The following WDFY4 variants were observed in gnomAD, a reference collection of about 807,000 sequenced individuals.
The protein encoded by WDFY4 is WDFY family member 4, also known as WD repeat- and FYVE domain-containing protein 4.
Under a neutral mutation model 351.9 loss-of-function variants are expected in WDFY4, and 169 were observed. The observed-to-expected ratio is 0.48, with a 90% CI of 0.42 to 0.55. The LOEUF is 0.55. WDFY4 is among the 20% of genes least tolerant of loss of function. The pLI is 0.00. For missense variants in WDFY4, 3,803 were observed against 3,935.6 expected, an observed-to-expected ratio of 0.97 and a Z score of 0.90; for synonymous variants, 1,622 against 1,574.6, an observed-to-expected ratio of 1.03 and a Z score of -0.71.
chr10:48,961,742 A>G (rs1841869873), intron 53 of WDFY4, among the ~76,000 whole-genome samples: 1 of 152,138 alleles, frequency 6.6e-6, no homozygotes, highest in Non-Finnish European at 1.5e-5. Context: ...GAATGAGGAG[A>G]ACAGAGAGAA....
intron 9 of WDFY4, among the ~76,000 whole-genome samples, chr10:48,733,424 G>A (rs943634517): frequency 6.6e-6 from 1 of 152,150 alleles, no homozygotes; most frequent in African/African-American, 2.4e-5. Flanking sequence ...TGGGTCTACT[G>A]GGATCACCTA....
intron 24 of WDFY4, chr10:48,802,746 CTG>C (rs1565215863): frequency 2.1e-6 from 1 of 471,410 alleles, no homozygotes; most frequent in Non-Finnish European, 4.4e-6. Context: ...TGAGATGACA[CTG>C]TGGTTTGGGC....
At chr10:48,824,167 A>G (rs2067918850) in intron 35 of WDFY4, 1 of 985,434 alleles carries the variant, frequency 1.0e-6, no homozygotes, top group South Asian at 4.7e-5. Flanking sequence ...CTCCGTCTCC[A>G]GTAGATGATA....
At position 48,959,197 on chromosome 10, in the gene WDFY4, G is replaced by A. The variant is rs1426341126; in HGVS notation, c.8132-525G>A. Among the ~76,000 whole-genome samples the A allele has an allele frequency of 2.6e-5, 4 of 152,188 alleles. No individual in the cohort carries two copies. The East Asian group carries it at 5.8e-4, about 22-fold the overall frequency. Reference sequence around the variant, plus strand: ...GTCCAGCCTCCTCATTCTACTGTCAGGGGAATCTCTGTCTAAAAACCTTGC... The same window carrying A: ...GTCCAGCCTCCTCATTCTACTGTCAAGGGAATCTCTGTCTAAAAACCTTGC... On this transcript the variant is annotated intron_variant, in intron 52 of 61. Transcript: ENST00000325239.
At chr10:48,904,425 A>G (rs1458373601) in intron 47 of WDFY4, among the ~76,000 whole-genome samples, 1 of 152,210 alleles carries the variant, frequency 6.6e-6, no homozygotes, top group East Asian at 1.9e-4. Flanking sequence ...ACAAGGTAAA[A>G]AGCTATTTCA....
rs1352344126 is a variant in WDFY4, at chr10:48,974,519, A to AAAAAAAAAAAAAAAAC, written c.8929-333_8929-332insAAAAACAAAAAAAAAA. 4.6e-4 allele frequency among the ~76,000 whole-genome samples: 23 copies of AAAAAAAAAAAAAAAAC among 49,964 alleles called. 1 individual carries two copies. The highest frequency in any genetic ancestry group is 3.1e-3 in the East Asian group (4 of 1,290). The allele number at this position is 49,964 out of a possible 152,430, so 32.8% of individuals were successfully genotyped here. ...CTCCGTCTCAAAAAAAAAAAAAAAAAAAAAAAAAAACAACTCATGACATGA... is the reference window on the plus strand; with the variant it reads ...CTCCGTCTCAAAAAAAAAAAAAAAAAAAAAAAAAAAAAAAACAAAAAAAAAACAACTCATGACATGA... On this transcript the variant is annotated intron_variant, in intron 57 of 61. Transcript: ENST00000325239.
At position 48,955,427 on chromosome 10, in the gene WDFY4, C is replaced by T. The variant is rs369313637; in HGVS notation, c.7978-1702C>T. ...CCTCAAGATGTCCAGGTGTGGCCAC[C>T]TTGGGTGTGTGGTAGGTTCCCCCCT... On this transcript the variant is annotated intron_variant, in intron 51 of 61. Transcript: ENST00000325239. 3.0e-3 allele frequency among the ~76,000 whole-genome samples: 462 copies of T among 152,304 alleles called. 2 individuals are homozygous for T. Among genetic ancestry groups the T allele is most frequent in the African/African-American group, 0.011 (448 of 41,556 alleles).
intron 24 of WDFY4, chr10:48,801,507 A>T (rs751310617): frequency 4.4e-6 from 2 of 456,708 alleles, no homozygotes; most frequent in African/African-American, 4.0e-5. Flanking sequence ...CCCTACAGAC[A>T]TGTATGTTGG....
intron 39 of WDFY4, among the ~76,000 whole-genome samples, chr10:48,855,792 T>C (rs2069112013): frequency 6.6e-6 from 1 of 152,104 alleles, no homozygotes; most frequent in African/African-American, 2.4e-5. Flanking sequence ...GGTCCAAAAA[T>C]ATTAAGTAGA....
chr10:48,883,552 C>T (rs993143962), intron 43 of WDFY4, among the ~76,000 whole-genome samples: 12 of 152,164 alleles, frequency 7.9e-5, no homozygotes, highest in Admixed American at 2.6e-4. Context: ...AATTTCTAAG[C>T]GAAACATGCC....
chr10:48,753,173 A>T (rs533511020), intron 12 of WDFY4, among the ~76,000 whole-genome samples: 15 of 151,844 alleles, frequency 9.9e-5, no homozygotes, highest in African/African-American at 3.6e-4. Flanking sequence ...TTTTTGGGGG[A>T]AACGTCTATT....
Position 48,877,010 on chromosome 10 carries a change from C to T in WDFY4, c.7001-23C>T, listed in dbSNP as rs978186339. ...TGTCAGGTGGCTCCTGTCAACACCA[C>T]GTGTCCCTTTATGCTGCTGCAGATG... On this transcript the variant is annotated intron_variant, in intron 42 of 61. Coordinates refer to ENST00000325239, the MANE Select transcript of WDFY4 (RefSeq NM_001394531.1). 1.5e-5 allele frequency: 22 copies of T among 1,452,532 alleles called. No individual in the cohort carries two copies. In the East Asian group the frequency reaches 1.5e-4, roughly 10 times the overall value. 90.0% of individuals were successfully genotyped at this position (1,452,532 alleles called of 1,614,324 possible). A position where few individuals can be genotyped will look rare whatever the true frequency, so the allele number is the denominator to read the frequency against.
At chr10:48,766,061 G>A (rs1003655540) in intron 13 of WDFY4, among the ~76,000 whole-genome samples, 10 of 152,228 alleles carry the variant, frequency 6.6e-5, no homozygotes, top group Admixed American at 3.3e-4. Flanking sequence ...GCCCTGGATA[G>A]CATTGCATAA....
At chr10:48,812,594 C>G (rs1252006574) in intron 30 of WDFY4, among the ~76,000 whole-genome samples, 1 of 152,182 alleles carries the variant, frequency 6.6e-6, no homozygotes, top group Non-Finnish European at 1.5e-5. Flanking sequence ...GAGGCTGCCC[C>G]TTGATAACAC....
chr10:48,715,647 G>A (rs1197874423), intron 2 of WDFY4, among the ~76,000 whole-genome samples: 1 of 151,922 alleles, frequency 6.6e-6, no homozygotes, highest in Non-Finnish European at 1.5e-5. Flanking sequence ...TATTTTTTGA[G>A]AGGGAGTCTC....
At chr10:48,699,981 C>T (rs1055375182) in intron 1 of WDFY4, among the ~76,000 whole-genome samples, 1 of 152,208 alleles carries the variant, frequency 6.6e-6, no homozygotes, top group Non-Finnish European at 1.5e-5. Flanking sequence ...CCCAGACTTA[C>T]TGACTTGTAA....
At chr10:48,853,018 C>T (rs2133184896) in intron 39 of WDFY4, among the ~76,000 whole-genome samples, 1 of 152,284 alleles carries the variant, frequency 6.6e-6, no homozygotes. Context: ...TACAGCCAAA[C>T]CCAGTGAATA....
Position 48,897,714 on chromosome 10 carries a change from C to G in WDFY4, c.7437+140C>G, listed in dbSNP as rs868503075. On this transcript the variant is annotated intron_variant, in intron 45 of 61. Transcript: ENST00000325239. The stretch of plus-strand genomic sequence containing the variant: ...CAGCCCAGTGCCCTTAAGGAGACAC[C>G]CGCAAGTTCCCTGGGCTTGTGGTGG... 13 of 1,330,912 alleles carry G rather than the reference C, an allele frequency of 9.8e-6. 1 individual carries two copies. The South Asian group carries it at 2.1e-4, about 21-fold the overall frequency. 82.4% of individuals were successfully genotyped at this position (1,330,912 alleles called of 1,614,324 possible).
At chr10:48,800,271 G>T (rs1393432452) in intron 24 of WDFY4, among the ~76,000 whole-genome samples, 2 of 152,236 alleles carry the variant, frequency 1.3e-5, no homozygotes. Context: ...TAAAATAGTA[G>T]TGGGAGAAGA....
Sources: allele counts gnomAD v4.1 joint callset (sites outside exome capture counted in the v4.1 genomes callset), GRCh38; gene constraint gnomAD v4.1.1; transcripts MANE v1.5; gene names NCBI Gene and HGNC (gene_info 2026-07-23, HGNC 2026-07-21).